The following MYO18A variants were observed in gnomAD, a reference collection of about 807,000 sequenced individuals.
MYO18A encodes unconventional myosin-XVIIIa.
MYO18A carries 78 observed loss-of-function variants against 235.8 expected under a neutral mutation model. The observed-to-expected ratio is 0.33, with a 90% CI of 0.28 to 0.40. The LOEUF (loss-of-function observed/expected upper bound fraction) is 0.40. Among genes scored for constraint, MYO18A ranks in the 10% least tolerant of loss-of-function variants. MYO18A has a pLI of 1.00. For missense variants in MYO18A, 2,215 were observed against 2,699.3 expected (o/e 0.82, Z 3.98); for synonymous variants, 977 against 1,077.8 (o/e 0.91, Z 1.83).
chr17:29,095,137 C>G, intron 28 of MYO18A, 78 bp from the exon 29 acceptor site: 1 of 1,460,044 alleles, frequency 6.8e-7, no homozygotes, highest in South Asian at 1.4e-5. Flanking sequence ...GAGGTGGTGC[C>G]ATGGACAGGA....
intron 2 of MYO18A, among the ~76,000 whole-genome samples, chr17:29,146,747 G>A (rs1421292154): frequency 6.6e-6 from 1 of 152,232 alleles, no homozygotes; most frequent in Non-Finnish European, 1.5e-5. Context: ...AGACAGAAAA[G>A]GTCAGGTCTT....
At chr17:29,087,727 G>T (rs893340790) in intron 37 of MYO18A, among the ~76,000 whole-genome samples, 2 of 152,136 alleles carry the variant, frequency 1.3e-5, no homozygotes, top group Non-Finnish European at 2.9e-5. Context: ...GTTCTACCTC[G>T]GACTGGTCCC....
chr17:29,179,203 A>G (rs2068594964), intron 1 of MYO18A, among the ~76,000 whole-genome samples: 1 of 152,170 alleles, frequency 6.6e-6, no homozygotes, highest in African/African-American at 2.4e-5. Context: ...CCCATTGGCA[A>G]AGTGGTCAGG....
In MYO18A at chr17:29,121,543, G is replaced by A; in HGVS notation, c.1371+4C>T. 1.3e-6 allele frequency: 2 copies of A among 1,598,296 alleles called. No individual in the cohort carries two copies. Among genetic ancestry groups the A allele is most frequent in the South Asian group, 1.1e-5 (1 of 89,006 alleles). On this transcript the variant is annotated splice_donor_region_variant and intron_variant, in intron 5 of 41. Coordinates refer to ENST00000527372, the MANE Select transcript of MYO18A (RefSeq NM_078471.4). This position sits in a 1 kb window ranked among gnomAD's most constrained non-coding sequence, Gnocchi z 4.2. ...TCTGCAGGGTAGCCTTGAGGGTGCT[G>A]CACCTTCTCAGAGTACACAGCAGGG...
intron 41 of MYO18A, chr17:29,077,647 G>A (rs997860400): frequency 1.3e-5 from 2 of 152,280 alleles, no homozygotes; most frequent in African/African-American, 4.8e-5. Flanking sequence ...AATCCTCCTT[G>A]GAGCGGGTGG....
At chr17:29,090,158 T>A in intron 36 of MYO18A, 60 bp from the exon 37 acceptor site, 1 of 1,559,988 alleles carries the variant, frequency 6.4e-7, no homozygotes, top group Non-Finnish European at 8.7e-7. Context: ...GGAGACTGCG[T>A]CTGGGGCAGG....
rs2068619935 is a variant in MYO18A at position 29,180,222 on chromosome 17, C to CGCCCGCCCTCCCTCCCGGCCGGA, written c.-82+68_-82+90dup. The CGCCCGCCCTCCCTCCCGGCCGGA allele has an allele frequency of 6.7e-6, 1 of 148,736 alleles. No individual in the cohort carries two copies. Among genetic ancestry groups the CGCCCGCCCTCCCTCCCGGCCGGA allele is most frequent in the Non-Finnish European group, 1.5e-5 (1 of 66,464 alleles). The allele number at this position is 148,736 out of a possible 1,614,324, so 9.2% of individuals were successfully genotyped here. On this transcript the variant is annotated intron_variant, in intron 1 of 41. Transcript: ENST00000527372. The surrounding 1 kb of genome is among the most constrained non-coding windows in gnomAD (Gnocchi z 6.1). ...GGAGGAGCCGGCGGGCCCCGCCGCC[C>CGCCCGCCCTCCCTCCCGGCCGGA]GCCCGCCCTCCCTCCCGGCCGGAGC... is the stretch of plus-strand genomic sequence containing the variant.
At chr17:29,146,245 GAGAC>G in intron 2 of MYO18A, among the ~76,000 whole-genome samples, 2 of 150,886 alleles carry the variant, frequency 1.3e-5, no homozygotes, top group South Asian at 4.2e-4. Flanking sequence ...GCGACAGAGA[GAGAC>G]TCCATCTCAA....
rs1312150177 is a variant in MYO18A, at chr17:29,110,428, G to A, written c.3087+8C>T. The A allele has an allele frequency of 6.3e-7, 1 of 1,575,600 alleles. No individual in the cohort carries two copies. The highest frequency in any genetic ancestry group is 8.6e-7 in the Non-Finnish European group (1 of 1,160,600). On this transcript the variant is annotated splice_region_variant and intron_variant, in intron 18 of 41. Transcript: ENST00000527372. ...AGGCCTGCCTGCTGGGACCCGGCTG[G>A]CACTCACCACCTGTAGCTTCATCTG...
At chr17:29,093,212 C>A in intron 32 of MYO18A, 111 bp downstream of exon 32, 1 of 1,113,280 alleles carries the variant, frequency 9.0e-7, no homozygotes. Context: ...CTCTTTGCAG[C>A]ACCCCCACCC....
rs1161287363 is a variant in MYO18A at position 29,071,512 on chromosome 17, A to G, written c.*3258T>C. On this transcript the variant is annotated 3_prime_UTR_variant, in exon 42 of 42. Transcript: ENST00000527372. ...GCACAGCCAGCCTGTGGCATGTTCT[A>G]CCAGCACCTCTCTTTCCCTGCCCCA... The G allele has an allele frequency of 6.6e-6, 1 of 152,192 alleles. No individual in the cohort carries two copies. The highest frequency in any genetic ancestry group is 1.5e-5 in the Non-Finnish European group (1 of 68,032). The allele number at this position is 152,192 out of a possible 1,614,324, so 9.4% of individuals were successfully genotyped here. A position where few individuals can be genotyped will look rare whatever the true frequency, so the allele number is the denominator to read the frequency against.
chr17:29,093,527 G>A, intron 31 of MYO18A, 100 bp from the exon 32 acceptor site: 1 of 828,752 alleles, frequency 1.2e-6, no homozygotes, highest in Non-Finnish European at 2.0e-6. Flanking sequence ...AAACAGTGGG[G>A]CAGGCCTGAG....
chr17:29,089,847 C>T, intron 37 of MYO18A, 114 bp downstream of exon 37: 1 of 1,369,002 alleles, frequency 7.3e-7, no homozygotes, highest in Non-Finnish European at 9.9e-7. Context: ...GGCAGTGAGG[C>T]ACAGGCCTCT....
intron 2 of MYO18A, among the ~76,000 whole-genome samples, chr17:29,130,492 A>T (rs867257567): frequency 0.19 from 22,357 of 115,620 alleles, 2,268 homozygotes; most frequent in East Asian, 0.53. Context: ...ACACACACAC[A>T]CACACACACA....
At chr17:29,095,595 A>T (rs1270771325) in intron 28 of MYO18A, among the ~76,000 whole-genome samples, 1 of 152,244 alleles carries the variant, frequency 6.6e-6, no homozygotes, top group Non-Finnish European at 1.5e-5. Context: ...CAGAGCTGGC[A>T]TTCCCACTGT....
rs760250916 is a variant in MYO18A at position 29,111,675 on chromosome 17, G to A, written c.2740+47C>T. The A allele has an allele frequency of 6.2e-7, 1 of 1,612,418 alleles. No individual in the cohort carries two copies. Among genetic ancestry groups the A allele is most frequent in the South Asian group, 1.1e-5 (1 of 91,000 alleles). On this transcript the variant is annotated intron_variant, in intron 16 of 41. Coordinates refer to ENST00000527372, the MANE Select transcript of MYO18A (RefSeq NM_078471.4). The surrounding 1 kb of genome is among the most constrained non-coding windows in gnomAD (Gnocchi z 5.1). ...CAGGGAGTGCCACCTGGACCCACCT[G>A]TATGTAAGAGGAAGCAGAGGAGCTA...
chr17:29,095,625 T>C (rs539821578), intron 28 of MYO18A, among the ~76,000 whole-genome samples: 8 of 152,320 alleles, frequency 5.3e-5, no homozygotes, highest in Non-Finnish European at 1.0e-4. Flanking sequence ...GCCACATGCC[T>C]CAATGGGCAC....
intron 2 of MYO18A, among the ~76,000 whole-genome samples, chr17:29,154,650 G>A (rs1454004212): frequency 6.6e-6 from 1 of 152,186 alleles, no homozygotes; most frequent in Admixed American, 6.5e-5. Flanking sequence ...GCCTGTGCCC[G>A]TGTCCTTTAG....
At chr17:29,093,291 G>T in intron 32 of MYO18A, 32 bp downstream of exon 32, 6 of 1,578,676 alleles carry the variant, frequency 3.8e-6, no homozygotes, top group Non-Finnish European at 4.3e-6. Context: ...GCAGGGAGCC[G>T]GCCAGGCTTG....
Sources: allele counts gnomAD v4.1 joint callset (sites outside exome capture counted in the v4.1 genomes callset), GRCh38; gene constraint gnomAD v4.1.1; non-coding constraint Gnocchi (gnomAD v3.1); transcripts MANE v1.5; gene names NCBI Gene and HGNC (gene_info 2026-07-23, HGNC 2026-07-21).